PAX3: variants seen among roughly 807,000 people sequenced by gnomAD.
PAX3 encodes the protein paired box 3.
A neutral mutation model predicts 51.6 loss-of-function variants in PAX3; 14 were observed. The observed-to-expected ratio is 0.27, with a 90% CI of 0.18 to 0.42. The LOEUF (loss-of-function observed/expected upper bound fraction) is 0.42. Ranked by LOEUF, PAX3 falls within the 10% of genes least tolerant of loss-of-function variation. The probability of loss-of-function intolerance (pLI) is 1.00; values close to 1 mark genes in which losing one functional copy is unlikely to be tolerated. For synonymous variants in PAX3, 280 were observed against 253.4 expected (o/e 1.11, Z -1.00); for missense variants, 540 against 642.8 (o/e 0.84, Z 1.73).
intron 2 of PAX3, among the ~76,000 whole-genome samples, 191 bp downstream of exon 2, chr2:222,296,787 A>C (rs572359429): frequency 2.6e-5 from 4 of 152,244 alleles, no homozygotes; most frequent in Non-Finnish European, 5.9e-5. Flanking sequence ...AGCTTTCCCT[A>C]AGTGTTCATC....
intron 7 of PAX3, among the ~76,000 whole-genome samples, chr2:222,210,874 A>AT (rs985870075): frequency 1.3e-5 from 2 of 151,430 alleles, no homozygotes; most frequent in Non-Finnish European, 2.9e-5. Context: ...GATTCACATA[A>AT]TTTTTTTTTC....
chr2:222,226,558 G>T (rs1488327485), intron 5 of PAX3, among the ~76,000 whole-genome samples: 2 of 151,972 alleles, frequency 1.3e-5, no homozygotes, highest in African/African-American at 4.8e-5. Flanking sequence ...TCATTACGGA[G>T]CTTAGGATAT....
At chr2:222,278,727 C>T (rs780328338) in intron 4 of PAX3, among the ~76,000 whole-genome samples, 2 of 152,198 alleles carry the variant, frequency 1.3e-5, no homozygotes, top group African/African-American at 4.8e-5. Flanking sequence ...TAATCCTGTC[C>T]TTTCACAGTG....
intron 7 of PAX3, among the ~76,000 whole-genome samples, chr2:222,213,861 G>A (rs746590619): frequency 3.0e-4 from 45 of 152,264 alleles, no homozygotes; most frequent in East Asian, 9.6e-4. Context: ...TTCTGGATGC[G>A]TACCCAAAAA....
intron 7 of PAX3, among the ~76,000 whole-genome samples, chr2:222,216,610 G>T (rs575556502): frequency 6.6e-6 from 1 of 152,144 alleles, no homozygotes; most frequent in Non-Finnish European, 1.5e-5. Flanking sequence ...TCTATGATGC[G>T]CCATTTGGCA....
chr2:222,294,763 C>CG (rs371147252), intron 3 of PAX3, among the ~76,000 whole-genome samples: 1 of 117,118 alleles, frequency 8.5e-6, no homozygotes, highest in African/African-American at 3.1e-5. Context: ...TCCGCGCCCC[C>CG]CCCCACCCCC....
chr2:222,254,213 T>A (rs1037128378), intron 4 of PAX3, among the ~76,000 whole-genome samples: 1 of 152,200 alleles, frequency 6.6e-6, no homozygotes, highest in Non-Finnish European at 1.5e-5. Flanking sequence ...GTTAACCAGA[T>A]AATAGTTGGA....
At chr2:222,294,768 A>T (rs377085017) in intron 3 of PAX3, among the ~76,000 whole-genome samples, 40 of 30,668 alleles carry the variant, frequency 1.3e-3, no homozygotes, top group Non-Finnish European at 1.6e-3. Flanking sequence ...GCCCCCCCCC[A>T]CCCCCCCGTA....
chr2:222,220,186 G>T lies in PAX3; in HGVS notation c.1127C>A (p.Pro376His), dbSNP rs1692132493. The change falls in exon 7 of 9, where the codon CCC becomes CAC. Residue 376 changes from proline (P) to histidine (H), a missense_variant. Around this residue, in one of 3 missense-constraint regions of PAX3, gnomAD observed 427 missense variants for 483.6 expected, o/e 0.88. Coordinates refer to ENST00000392070, the MANE Select transcript of PAX3 (RefSeq NM_181458.4). ...AATGGTGGGGTTCATGGGGTTGGAG[G>T]GCCCCGACGGAGGCACAAAGCTGTC... ...YTDSFVPPSG[P>H]SNPMNPTIGN... 1 of 1,613,870 alleles carries T rather than the reference G, an allele frequency of 6.2e-7. No homozygotes were observed. Among genetic ancestry groups the T allele is most frequent in the Non-Finnish European group, 8.5e-7 (1 of 1,179,950 alleles).
chr2:222,201,623 G>T (rs1691295871), intron 8 of PAX3, 181 bp from the exon 9 acceptor site: 2 of 1,303,470 alleles, frequency 1.5e-6, no homozygotes, highest in Non-Finnish European at 2.1e-6. Flanking sequence ...TCCCCCATAT[G>T]ATCCTGGAGC....
Position 222,201,296 on chromosome 2 carries a change from C to G in PAX3, c.*112G>C. The G allele has an allele frequency of 6.2e-7, 1 of 1,600,084 alleles. No individual in the cohort carries two copies. The highest frequency in any genetic ancestry group is 1.1e-5 in the South Asian group (1 of 90,536). On this transcript the variant is annotated 3_prime_UTR_variant, in exon 9 of 9. Transcript: ENST00000392070. ...TTTGTCTCCTATTGGGACCACTGCC[C>G]CACCCCCCCCAACAAAAGGGTAATT...
chr2:222,238,259 TAG>T (rs1434574001), intron 4 of PAX3, among the ~76,000 whole-genome samples: 3 of 152,162 alleles, frequency 2.0e-5, no homozygotes, highest in African/African-American at 7.2e-5. Context: ...ATTACAGAAT[TAG>T]AGAGTATGTC....
chr2:222,201,654 G>T, intron 8 of PAX3: 2 of 1,364,612 alleles, frequency 1.5e-6, no homozygotes, highest in East Asian at 2.5e-5. Flanking sequence ...AAGAACATGT[G>T]TTTCTAATGT....
rs45575335 is a variant in PAX3, at chr2:222,212,996, C to T, written c.1173+7144G>A. Among the ~76,000 whole-genome samples the T allele has an allele frequency of 3.6e-3, 554 of 152,206 alleles. 3 individuals carry two copies. Among genetic ancestry groups the T allele is most frequent in the African/African-American group, 0.012 (517 of 41,530 alleles). ...TCAAATGGGACTAAAAAAGAAAACA[C>T]GAGGTTGTTGCATTTGATTTGTCCA... is the stretch of plus-strand genomic sequence containing the variant. On this transcript the variant is annotated intron_variant, in intron 7 of 8. Transcript: ENST00000392070.
intron 5 of PAX3, among the ~76,000 whole-genome samples, chr2:222,223,914 G>A (rs953369569): frequency 6.6e-6 from 1 of 152,158 alleles, no homozygotes; most frequent in African/African-American, 2.4e-5. Context: ...CCCAGGAGTG[G>A]TGAAGCCTGA....
chr2:222,213,597 T>G (rs1374016248), intron 7 of PAX3, among the ~76,000 whole-genome samples: 1 of 152,152 alleles, frequency 6.6e-6, no homozygotes, highest in Admixed American at 6.6e-5. Context: ...CTGCCACTTT[T>G]GTAAAAAATC....
chr2:222,272,334 G>C (rs1049277794), intron 4 of PAX3, among the ~76,000 whole-genome samples: 1 of 152,210 alleles, frequency 6.6e-6, no homozygotes, highest in Non-Finnish European at 1.5e-5. Context: ...TAAGTGTTAT[G>C]TCAACTAAAG....
At position 222,220,355 on chromosome 2, in the gene PAX3, C is replaced by A. The variant is rs1370978465; in HGVS notation, c.959-1G>T. ...ACGGTGCTGCTGGGATCTGACACAG[C>A]TGAAATGAAAAAGATTGTCAACCAT... is the stretch of plus-strand genomic sequence containing the variant. On this transcript the variant is annotated splice_acceptor_variant, in intron 6 of 8. Coordinates refer to ENST00000392070, the MANE Select transcript of PAX3 (RefSeq NM_181458.4). LOFTEE classifies it high-confidence loss of function. The A allele has an allele frequency of 1.9e-6, 3 of 1,613,642 alleles. No homozygotes were observed. In the South Asian group the frequency reaches 3.3e-5, roughly 18 times the overall value.
chr2:222,212,532 G>C (rs921575511), intron 7 of PAX3, among the ~76,000 whole-genome samples: 1 of 151,986 alleles, frequency 6.6e-6, no homozygotes, highest in South Asian at 2.1e-4. Context: ...AATGTCAAGA[G>C]CAATTTTTAA....
Sources: gnomAD v4.1 joint callset for allele counts (sites outside exome capture counted in the v4.1 genomes callset) on GRCh38, gnomAD v4.1.1 for gene constraint, gnomAD v4.1.1 regional missense constraint, MANE v1.5 for transcripts, NCBI Gene and HGNC (gene_info 2026-07-23, HGNC 2026-07-21) for gene names.